CNTLN: variants seen among roughly 807,000 people sequenced by gnomAD.
The protein encoded by CNTLN is centlein.
A neutral mutation model predicts 180.0 loss-of-function variants in CNTLN; 212 were observed. The ratio of observed to expected loss-of-function variants is 1.18; its 90% CI spans 1.05 to 1.32. CNTLN has a LOEUF of 1.32. CNTLN is among the 40% of genes most tolerant of loss of function. The probability of loss-of-function intolerance (pLI) is 0.00; values close to 1 mark genes in which losing one functional copy is unlikely to be tolerated. For missense variants in CNTLN, 2,095 were observed against 1,610.9 expected (o/e 1.30, Z -5.14); for synonymous variants, 722 against 563.1 (o/e 1.28, Z -3.99).
intron 2 of CNTLN, among the ~76,000 whole-genome samples, chr9:17,193,941 G>T: frequency 6.6e-6 from 1 of 152,332 alleles, no homozygotes; most frequent in East Asian, 1.9e-4. Flanking sequence ...TGCACTTGCA[G>T]GCTCAGCACC....
intron 18 of CNTLN, among the ~76,000 whole-genome samples, chr9:17,421,787 A>T (rs987529935): frequency 6.6e-6 from 1 of 152,160 alleles, no homozygotes; most frequent in Non-Finnish European, 1.5e-5. Context: ...CTTTGTAACC[A>T]ATTATTTTAA....
In CNTLN at chr9:17,435,776, T is replaced by C. The variant is rs535260033; in HGVS notation, c.3114+19587T>C. Among the ~76,000 whole-genome samples the C allele has an allele frequency of 2.0e-5, 3 of 152,238 alleles. No individual in the cohort carries two copies. The South Asian group carries it at 6.2e-4, about 32-fold the overall frequency. ...CAGGGTTTCACCACGTTGGCCAGGC[T>C]GGTCTGAAACACCCGACCTCAGGTG... On this transcript the variant is annotated intron_variant, in intron 18 of 25. Coordinates refer to ENST00000380647, the MANE Select transcript of CNTLN (RefSeq NM_017738.4).
chr9:17,202,686 C>G (rs73060053), intron 2 of CNTLN, among the ~76,000 whole-genome samples: 1 of 85,772 alleles, frequency 1.2e-5, no homozygotes. Flanking sequence ...TTTCCATTTG[C>G]TTGGTAAGTA....
intron 7 of CNTLN, among the ~76,000 whole-genome samples, chr9:17,303,014 G>C (rs1818476064): frequency 6.6e-6 from 1 of 152,142 alleles, no homozygotes; most frequent in African/African-American, 2.4e-5. Context: ...TCAGGCACTG[G>C]CGATAGGGCT....
intron 5 of CNTLN, among the ~76,000 whole-genome samples, chr9:17,256,034 A>C (rs957988058): frequency 6.6e-6 from 1 of 152,048 alleles, no homozygotes; most frequent in South Asian, 2.1e-4. Context: ...CCATTTCTGC[A>C]TCACTTTGCT....
chr9:17,489,741 T>C (rs1449669915), intron 25 of CNTLN, among the ~76,000 whole-genome samples: 2 of 152,134 alleles, frequency 1.3e-5, no homozygotes, highest in African/African-American at 2.4e-5. Flanking sequence ...TTTTAACTTA[T>C]GTATATTTGA....
At chr9:17,207,111 G>A (rs1338740196) in intron 2 of CNTLN, among the ~76,000 whole-genome samples, 3 of 152,220 alleles carry the variant, frequency 2.0e-5, no homozygotes, top group African/African-American at 7.2e-5. Context: ...TTCCCAGTCT[G>A]ATGGTGAATC....
intron 6 of CNTLN, among the ~76,000 whole-genome samples, chr9:17,284,013 G>C (rs1211584139): frequency 7.2e-6 from 1 of 138,950 alleles, no homozygotes; most frequent in Non-Finnish European, 1.6e-5. Flanking sequence ...TTTTATTGAG[G>C]ATTTTGTTTG....
chr9:17,284,261 A>G (rs1828840319), intron 6 of CNTLN, among the ~76,000 whole-genome samples: 1 of 152,108 alleles, frequency 6.6e-6, no homozygotes, highest in South Asian at 2.1e-4. Flanking sequence ...TGGTATCAGG[A>G]TGATACTGAC....
chr9:17,489,577 T>C (rs1199008060), intron 25 of CNTLN, among the ~76,000 whole-genome samples: 1 of 152,042 alleles, frequency 6.6e-6, no homozygotes, highest in Non-Finnish European at 1.5e-5. Context: ...AAAAATATTT[T>C]TTTTTCTGCT....
chr9:17,378,615 G>C (rs1564049758), intron 13 of CNTLN, among the ~76,000 whole-genome samples: 1 of 152,056 alleles, frequency 6.6e-6, no homozygotes. Context: ...TTCTGAGCTT[G>C]TATTTTATTA....
intron 16 of CNTLN, among the ~76,000 whole-genome samples, 179 bp downstream of exon 16, chr9:17,409,652 C>T (rs1192250783): frequency 6.6e-6 from 1 of 151,972 alleles, no homozygotes; most frequent in African/African-American, 2.4e-5. Flanking sequence ...TTGTTACAGT[C>T]TTTTTCATAG....
chr9:17,293,884 T>C (rs1159761588), intron 6 of CNTLN, among the ~76,000 whole-genome samples: 1 of 152,098 alleles, frequency 6.6e-6, no homozygotes, highest in East Asian at 1.9e-4. Flanking sequence ...GGGGACCTCC[T>C]GATCTGTGGG....
At chr9:17,331,004 C>T (rs1311462343) in intron 9 of CNTLN, among the ~76,000 whole-genome samples, 196 bp downstream of exon 9, 1 of 151,858 alleles carries the variant, frequency 6.6e-6, no homozygotes, top group East Asian at 1.9e-4. Flanking sequence ...GAGTTATATT[C>T]CCAAATTAGT....
At chr9:17,518,973 G>A in the CNTLN span, among the ~76,000 whole-genome samples, 1 of 152,036 alleles carries the variant, frequency 6.6e-6, no homozygotes, top group African/African-American at 2.4e-5. Context: ...ACCCAGGCTT[G>A]AGTACAGTGG....
chr9:17,442,454 A>G (rs910858128), intron 18 of CNTLN, among the ~76,000 whole-genome samples: 16 of 152,184 alleles, frequency 1.1e-4, no homozygotes, highest in Non-Finnish European at 1.5e-4. Flanking sequence ...GCTGGAGTGC[A>G]GTGGCATGAT....
intron 2 of CNTLN, among the ~76,000 whole-genome samples, chr9:17,198,534 ATT>A (rs71304884): frequency 0.021 from 2,090 of 98,006 alleles, 52 homozygotes; most frequent in African/African-American, 0.074. Flanking sequence ...TACTTTCTTG[ATT>A]TTTTTTTTTT....
intron 15 of CNTLN, among the ~76,000 whole-genome samples, chr9:17,407,149 T>G (rs1827457164): frequency 6.6e-6 from 1 of 152,322 alleles, no homozygotes; most frequent in East Asian, 1.9e-4. Context: ...GTTGGTATTT[T>G]GAAGGAGAAC....
chr9:17,298,215 C>G lies in CNTLN; in HGVS notation c.1009C>G (p.Leu337Val), dbSNP rs774745524. 2.6e-6 allele frequency: 4 copies of G among 1,542,590 alleles called. No individual in the cohort carries two copies. The highest frequency in any genetic ancestry group is 3.5e-6 in the Non-Finnish European group (4 of 1,147,118). The change falls in exon 7 of 26, where the codon CTT becomes GTT. Residue 337 changes from leucine to valine, a missense_variant. Transcript: ENST00000380647. Reference protein sequence around the residue: ...VRKELQELQNLYKQNSTHTAQ... With the variant: ...VRKELQELQNVYKQNSTHTAQ... ...GAAGGAACTGCAGGAGCTGCAGAAT[C>G]TTTACAAACAGAACAGTACACATAC...
Sources: allele counts gnomAD v4.1 joint callset (sites outside exome capture counted in the v4.1 genomes callset), GRCh38; gene constraint gnomAD v4.1.1; transcripts MANE v1.5; gene names NCBI Gene and HGNC (gene_info 2026-07-23, HGNC 2026-07-21).